Variants in COPG2 observed in about 807,000 individuals in gnomAD.
COPG2 encodes coat protein complex I subunit gamma 2, also known as coatomer subunit gamma-2.
Under a neutral mutation model 46.3 loss-of-function variants are expected in COPG2, and 37 were observed. That is an observed-to-expected ratio of 0.80 (90% CI 0.61 to 1.05). The LOEUF (loss-of-function observed/expected upper bound fraction) is 1.05. Among genes scored for constraint, COPG2 ranks in the 50% least tolerant of loss-of-function variants. The pLI is 0.00. For missense variants in COPG2, 427 were observed against 387.8 expected (o/e 1.10, Z -0.85); for synonymous variants, 159 against 129.7 (o/e 1.23, Z -1.53).
At chr7:130,517,474 A>T (rs1799688891) in intron 20 of COPG2, among the ~76,000 whole-genome samples, 1 of 152,224 alleles carries the variant, frequency 6.6e-6, no homozygotes, top group South Asian at 2.1e-4. Flanking sequence ...TGCTGTAGGT[A>T]GAAATTTTTG....
chr7:130,513,311 ATAT>A (rs1563034025), intron 20 of COPG2, among the ~76,000 whole-genome samples: 71 of 42,176 alleles, frequency 1.7e-3, no homozygotes, highest in Middle Eastern at 0.03. Context: ...AAAAAAAAAT[ATAT>A]ATATATATAT....
At chr7:130,541,282 GAC>G (rs1393050452) in intron 20 of COPG2, among the ~76,000 whole-genome samples, 1 of 152,172 alleles carries the variant, frequency 6.6e-6, no homozygotes, top group East Asian at 1.9e-4. Flanking sequence ...AGGGCCTAGT[GAC>G]ACAGAGGAAG....
intron 5 of COPG2, among the ~76,000 whole-genome samples, chr7:130,633,314 C>G (rs142934867): frequency 1.3e-5 from 2 of 152,130 alleles, no homozygotes; most frequent in African/African-American, 4.8e-5. Flanking sequence ...CTTGAGGAAT[C>G]GCCACACTGT....
intron 9 of COPG2, among the ~76,000 whole-genome samples, chr7:130,586,313 G>A (rs548795757): frequency 2.6e-5 from 4 of 152,004 alleles, no homozygotes; most frequent in South Asian, 2.1e-4. Context: ...TTGGGACTTG[G>A]GGGGAGAGTG....
chr7:130,538,704 G>T (rs987033355), intron 20 of COPG2, among the ~76,000 whole-genome samples: 13 of 152,128 alleles, frequency 8.5e-5, no homozygotes, highest in African/African-American at 2.7e-4. Context: ...ATGGACTCAT[G>T]TGTTTTGAGT....
At chr7:130,611,168 A>C in intron 8 of COPG2, 58 bp from the exon 9 acceptor site, 1 of 1,465,574 alleles carries the variant, frequency 6.8e-7, no homozygotes, top group South Asian at 1.2e-5. Flanking sequence ...AAATATTTAC[A>C]CAAAAATAGA....
At chr7:130,512,052 T>TAA (rs1182017221) in intron 20 of COPG2, among the ~76,000 whole-genome samples, 2,083 of 99,054 alleles carry the variant, frequency 0.021, 67 homozygotes, top group African/African-American at 0.084. Context: ...CTGTGTCTTC[T>TAA]AAAAAAAAAA....
chr7:130,639,473 T>G (rs1156286791), intron 5 of COPG2, among the ~76,000 whole-genome samples: 1 of 152,202 alleles, frequency 6.6e-6, no homozygotes, highest in Non-Finnish European at 1.5e-5. Flanking sequence ...AATGACACAC[T>G]TGTAGAGATT....
At chr7:130,557,835 AAAAT>A (rs1337996392) in intron 12 of COPG2, among the ~76,000 whole-genome samples, 1 of 148,232 alleles carries the variant, frequency 6.7e-6, no homozygotes, top group Non-Finnish European at 1.5e-5. Context: ...AAAAAAAAAA[AAAAT>A]CATGCAAGAA....
chr7:130,509,261 C>A (rs563669507), intron 20 of COPG2: 23 of 512,836 alleles, frequency 4.5e-5, no homozygotes, highest in African/African-American at 1.9e-4. Context: ...AGCAAGTGGG[C>A]AGTTGTATGT....
intron 9 of COPG2, among the ~76,000 whole-genome samples, chr7:130,583,949 C>T (rs1335946030): frequency 3.3e-5 from 5 of 151,600 alleles, no homozygotes; most frequent in Admixed American, 2.0e-4. Flanking sequence ...GCAACCCTCC[C>T]GAACTCATTC....
At chr7:130,649,153 C>T (rs1370957006) in intron 5 of COPG2, among the ~76,000 whole-genome samples, 1 of 152,150 alleles carries the variant, frequency 6.6e-6, no homozygotes, top group Non-Finnish European at 1.5e-5. Context: ...TGAGTCACAC[C>T]CCTTGATCTC....
At chr7:130,572,661 G>A (rs1340967557) in intron 9 of COPG2, among the ~76,000 whole-genome samples, 2 of 152,068 alleles carry the variant, frequency 1.3e-5, no homozygotes, top group East Asian at 3.8e-4. Context: ...AATATTTGAA[G>A]TTGAATGAAA....
chr7:130,612,359 C>G, intron 7 of COPG2, 121 bp from the exon 8 acceptor site: 2 of 625,678 alleles, frequency 3.2e-6, no homozygotes, highest in Non-Finnish European at 5.4e-6. Context: ...CTATGTAGCT[C>G]TTATAAGTCT....
rs1218814466 is a variant in COPG2 at position 130,668,527 on chromosome 7, G to A, written c.37+105C>T. ...GGCTCCAGCTCCGGCCCCCTGGCAC[G>A]GCGGCGCCCACGCCCCCAGCCCCGC... On this transcript the variant is annotated intron_variant, in intron 1 of 23. Coordinates refer to ENST00000425248, the MANE Select transcript of COPG2 (RefSeq NM_012133.6). 5.7e-6 allele frequency: 6 copies of A among 1,055,884 alleles called. No homozygotes were observed. The South Asian group carries it at 1.4e-4, about 25-fold the overall frequency. The allele number at this position is 1,055,884 out of a possible 1,614,324, so 65.4% of individuals were successfully genotyped here. A position where few individuals can be genotyped will look rare whatever the true frequency, so the allele number is the denominator to read the frequency against.
chr7:130,612,294 G>C, intron 7 of COPG2, 56 bp from the exon 8 acceptor site: 1 of 1,076,038 alleles, frequency 9.3e-7, no homozygotes, highest in Non-Finnish European at 1.3e-6. Flanking sequence ...TAGAAGCTTA[G>C]AAACATGAGT....
chr7:130,553,428 A>G (rs1793565233), intron 14 of COPG2, among the ~76,000 whole-genome samples: 1 of 152,288 alleles, frequency 6.6e-6, no homozygotes, highest in South Asian at 2.1e-4. Flanking sequence ...AACGGATGAC[A>G]GCCTCAATCA....
intron 20 of COPG2, chr7:130,509,648 C>T (rs781824198): frequency 1.6e-5 from 8 of 514,604 alleles, no homozygotes; most frequent in African/African-American, 3.9e-5. Flanking sequence ...TGACATTACA[C>T]GTAAAGGTAT....
At chr7:130,572,640 G>A (rs1217754023) in intron 9 of COPG2, among the ~76,000 whole-genome samples, 3 of 151,806 alleles carry the variant, frequency 2.0e-5, no homozygotes, top group South Asian at 2.1e-4. Flanking sequence ...AAATCAAATG[G>A]GAAATGAGAA....
Sources: allele counts gnomAD v4.1 joint callset (sites outside exome capture counted in the v4.1 genomes callset), GRCh38; gene constraint gnomAD v4.1.1; transcripts MANE v1.5; gene names NCBI Gene and HGNC (gene_info 2026-07-23, HGNC 2026-07-21).